Variants in LMLN observed in about 807,000 individuals in gnomAD.
LMLN encodes the protein leishmanolysin-like peptidase.
In LMLN, 70 loss-of-function variants were observed where a neutral mutation model predicts 92.3. That is an observed-to-expected ratio of 0.76 (90% CI 0.63 to 0.92). LMLN has a LOEUF of 0.92. Among genes scored for constraint, LMLN ranks in the 40% least tolerant of loss-of-function variants. The pLI, the probability that LMLN is intolerant of heterozygous loss-of-function variation, is 0.00. For missense variants in LMLN, 691 were observed against 814.6 expected (o/e 0.85, Z 1.85); for synonymous variants, 308 against 296.2 (o/e 1.04, Z -0.41).
At chr3:198,040,193 T>A (rs1723360939) in exon 16 of LMLN, 1 of 152,230 alleles carries the variant, frequency 6.6e-6, no homozygotes, top group African/African-American at 2.4e-5. Context: ...AAGGTATAAG[T>A]TTGGTGTAGA....
intron 1 of LMLN, among the ~76,000 whole-genome samples, chr3:197,972,642 A>G (rs1721261475): frequency 6.6e-6 from 1 of 151,808 alleles, no homozygotes; most frequent in Non-Finnish European, 1.5e-5. Flanking sequence ...TTTTTATTAA[A>G]TAATGGACAC....
chr3:198,036,441 G>C (rs769767330), intron 15 of LMLN, among the ~76,000 whole-genome samples: 5 of 151,976 alleles, frequency 3.3e-5, no homozygotes, highest in Non-Finnish European at 5.9e-5. Context: ...GAAAGACCTG[G>C]AAAAGATACC....
chr3:198,014,741 C>A (rs1161430800), intron 11 of LMLN, among the ~76,000 whole-genome samples: 1 of 141,408 alleles, frequency 7.1e-6, no homozygotes, highest in Non-Finnish European at 1.5e-5. Flanking sequence ...AGCCCCCTAA[C>A]TAGTCTGACT....
At chr3:198,018,814 G>A (rs1050231377) in intron 11 of LMLN, among the ~76,000 whole-genome samples, 26 of 152,182 alleles carry the variant, frequency 1.7e-4, no homozygotes, top group African/African-American at 2.4e-5. Flanking sequence ...ATCGTCAACT[G>A]TCAGTTTGAT....
At chr3:197,988,765 T>A (rs1193502772) in intron 8 of LMLN, among the ~76,000 whole-genome samples, 1 of 152,182 alleles carries the variant, frequency 6.6e-6, no homozygotes, top group Non-Finnish European at 1.5e-5. Flanking sequence ...CACTGCAACC[T>A]CCATTTCCCA....
At position 198,036,031 on chromosome 3, in the gene LMLN, G is replaced by A. The variant is rs1443430528; in HGVS notation, c.1855G>A (p.Ala619Thr). Residue 619 changes from alanine to threonine, a missense_variant, in exon 15 of 16, where the codon GCT becomes ACT. Coordinates refer to ENST00000330198, the Ensembl canonical transcript of LMLN. ...TCCTCCAGCCACTAACCTGACCCGA[G>A]CTCTGCCACTTGGTGAGTGCTCTCT... 11 of 1,613,224 alleles carry A rather than the reference G, an allele frequency of 6.8e-6. No individual in the cohort carries two copies. The highest frequency in any genetic ancestry group is 9.3e-6 in the Non-Finnish European group (11 of 1,179,954).
intron 1 of LMLN, among the ~76,000 whole-genome samples, chr3:197,967,324 A>C (rs1373214830): frequency 6.6e-6 from 1 of 152,216 alleles, no homozygotes; most frequent in Non-Finnish European, 1.5e-5. Context: ...GAAAGAGTAC[A>C]AAGAGTGGAA....
chr3:197,962,120 C>T (rs548946520), intron 1 of LMLN, among the ~76,000 whole-genome samples: 69 of 152,148 alleles, frequency 4.5e-4, no homozygotes, highest in Non-Finnish European at 7.6e-4. Context: ...GACGTTCCCT[C>T]CTGTCCTGTG....
chr3:198,024,361 GC>G (rs1419604906), intron 13 of LMLN, among the ~76,000 whole-genome samples: 5 of 151,590 alleles, frequency 3.3e-5, no homozygotes, highest in African/African-American at 9.7e-5. Context: ...GACTACAGGC[GC>G]CCGCCACCGC....
chr3:198,014,628 A>C (rs1168725812), intron 11 of LMLN, among the ~76,000 whole-genome samples: 1 of 121,854 alleles, frequency 8.2e-6, no homozygotes, highest in African/African-American at 3.5e-5. Context: ...GAGCCCCCTA[A>C]CTAGTCTGAC....
In LMLN at chr3:197,967,574, C is replaced by T. The variant is rs181464477; in HGVS notation, c.220-6803C>T. 2.8e-3 allele frequency among the ~76,000 whole-genome samples: 428 copies of T among 152,246 alleles called. 1 individual carries two copies. Among genetic ancestry groups the T allele is most frequent in the African/African-American group, 9.5e-3 (395 of 41,540 alleles). ...AAAGCAAAGATCACAAGGCCAAGGG[C>T]GAAATCAAAAACTCCTGATAAGGGT... is the stretch of plus-strand genomic sequence containing the variant. On this transcript the variant is annotated intron_variant, in intron 1 of 15. Transcript: ENST00000330198.
At chr3:197,979,402 G>T (rs1484150958) in intron 5 of LMLN, among the ~76,000 whole-genome samples, 1 of 152,164 alleles carries the variant, frequency 6.6e-6, no homozygotes, top group Non-Finnish European at 1.5e-5. Flanking sequence ...GGCAAGGTGC[G>T]GTGACTCACG....
intron 13 of LMLN, among the ~76,000 whole-genome samples, chr3:198,022,431 C>T (rs982884726): frequency 1.3e-5 from 2 of 152,212 alleles, no homozygotes; most frequent in African/African-American, 4.8e-5. Flanking sequence ...TCCAAACCCC[C>T]ACCCCATTCC....
At chr3:198,032,828 T>C (rs945409967) in intron 14 of LMLN, among the ~76,000 whole-genome samples, 1 of 152,150 alleles carries the variant, frequency 6.6e-6, no homozygotes, top group African/African-American at 2.4e-5. Flanking sequence ...ATACCCAAAC[T>C]ATATCAGCTG....
At chr3:197,974,950 C>A in intron 2 of LMLN, 92 bp from the exon 3 acceptor site, 1 of 813,744 alleles carries the variant, frequency 1.2e-6, no homozygotes, top group South Asian at 1.5e-5. Context: ...AGGCCCAAGG[C>A]CTGCTGGTTG....
At chr3:197,970,103 G>C (rs1721182482) in intron 1 of LMLN, among the ~76,000 whole-genome samples, 1 of 152,036 alleles carries the variant, frequency 6.6e-6, no homozygotes, top group African/African-American at 2.4e-5. Context: ...AGTGAGCCAA[G>C]ATTGTACCAC....
In LMLN at chr3:198,022,604, G is replaced by A. The variant is rs112683205; in HGVS notation, c.1525+999G>A. 3.7e-3 allele frequency among the ~76,000 whole-genome samples: 559 copies of A among 152,194 alleles called. 1 individual carries two copies. The highest frequency in any genetic ancestry group is 0.013 in the African/African-American group (537 of 41,538). On this transcript the variant is annotated intron_variant, in intron 13 of 15. Coordinates refer to ENST00000330198, the Ensembl canonical transcript of LMLN. ...GGCGCAGTGGCTCACGCCTGTAATCGCAGCACTTTGGGAGGCCAAGGCAGG... is the reference window on the plus strand; with the variant it reads ...GGCGCAGTGGCTCACGCCTGTAATCACAGCACTTTGGGAGGCCAAGGCAGG...
chr3:197,973,123 C>T (rs542987673), intron 1 of LMLN, among the ~76,000 whole-genome samples: 2 of 152,240 alleles, frequency 1.3e-5, no homozygotes, highest in South Asian at 4.1e-4. Context: ...TCTCCCTCCC[C>T]AAAATACTGT....
Position 198,002,863 on chromosome 3 carries a change from C to T in LMLN, c.1232+3521C>T, listed in dbSNP as rs76561916. The stretch of plus-strand genomic sequence containing the variant: ...TGTAGCAGTCCCTGTGCGGCAAGAA[C>T]GTTGTGAGTGATCACTTACAGTGAT... On this transcript the variant is annotated intron_variant, in intron 11 of 15. Coordinates refer to ENST00000330198, the Ensembl canonical transcript of LMLN. 6.2e-3 allele frequency among the ~76,000 whole-genome samples: 950 copies of T among 152,322 alleles called. 11 individuals carry two copies. The highest frequency in any genetic ancestry group is 0.02 in the African/African-American group (851 of 41,580).
Sources: gnomAD v4.1 joint callset for allele counts (sites outside exome capture counted in the v4.1 genomes callset) on GRCh38, gnomAD v4.1.1 for gene constraint, MANE v1.5 for transcripts, NCBI Gene and HGNC (gene_info 2026-07-23, HGNC 2026-07-21) for gene names.